SMYD3: variants seen among roughly 807,000 people sequenced by gnomAD.
SMYD3 encodes the protein SET and MYND domain containing 3.
A neutral mutation model predicts 57.7 loss-of-function variants in SMYD3; 36 were observed. That is an observed-to-expected ratio of 0.62 (90% confidence interval 0.48 to 0.82). The LOEUF (loss-of-function observed/expected upper bound fraction) is 0.82. Ranked by LOEUF, SMYD3 falls within the 40% of genes least tolerant of loss-of-function variation. The probability of loss-of-function intolerance (pLI) is 0.00; values close to 1 mark genes in which losing one functional copy is unlikely to be tolerated. For missense variants in SMYD3, 515 were observed against 538.8 expected, an observed-to-expected ratio of 0.96 and a Z score of 0.44; for synonymous variants, 211 against 195.0, an observed-to-expected ratio of 1.08 and a Z score of -0.68.
At chr1:246,149,865 C>G (rs1242947197) in intron 5 of SMYD3, among the ~76,000 whole-genome samples, 1 of 152,190 alleles carries the variant, frequency 6.6e-6, no homozygotes, top group Non-Finnish European at 1.5e-5. Context: ...GCAAAGATCA[C>G]CCCTCTGTCT....
At chr1:245,826,879 G>A (rs2049530893) in intron 10 of SMYD3, among the ~76,000 whole-genome samples, 1 of 152,152 alleles carries the variant, frequency 6.6e-6, no homozygotes, top group Admixed American at 6.5e-5. Context: ...CATGAGAAGA[G>A]CATGGAGCAA....
At chr1:246,240,046 T>G (rs538170143) in intron 5 of SMYD3, among the ~76,000 whole-genome samples, 2 of 152,336 alleles carry the variant, frequency 1.3e-5, no homozygotes, top group East Asian at 3.9e-4. Flanking sequence ...AGGTTGCCTG[T>G]TCACTCTGAT....
intron 5 of SMYD3, among the ~76,000 whole-genome samples, chr1:246,258,667 G>A (rs1770007): frequency 0.059 from 9,042 of 152,132 alleles, 433 homozygotes; most frequent in African/African-American, 0.12. Flanking sequence ...CTTTAGCACC[G>A]ACCTTGAACA....
chr1:246,231,173 T>G (rs78442404), intron 5 of SMYD3, among the ~76,000 whole-genome samples: 3,192 of 152,216 alleles, frequency 0.021, 45 homozygotes, highest in Non-Finnish European at 0.029. Flanking sequence ...GCAGTCTTAT[T>G]CTCTAAAACT....
intron 5 of SMYD3, among the ~76,000 whole-genome samples, chr1:246,073,943 T>C (rs2147802195): frequency 6.6e-6 from 1 of 152,292 alleles, no homozygotes; most frequent in East Asian, 1.9e-4. Flanking sequence ...AAATCAAGTG[T>C]AATAGATGGC....
At chr1:246,375,978 C>A (rs1028346294) in intron 1 of SMYD3, among the ~76,000 whole-genome samples, 2 of 146,820 alleles carry the variant, frequency 1.4e-5, no homozygotes, top group African/African-American at 4.9e-5. Flanking sequence ...GGTCCACCAG[C>A]CTCAGCCTCC....
Position 246,506,989 on chromosome 1 carries a change from G to GCCCCCCCCCCCCC in SMYD3, c.164+64_164+65insGGGGGGGGGGGGG, listed in dbSNP as rs1182642267. The GCCCCCCCCCCCCC allele has an allele frequency of 1.0e-4, 65 of 650,496 alleles. 1 individual carries two copies. Among genetic ancestry groups the GCCCCCCCCCCCCC allele is most frequent in the African/African-American group, 4.1e-4 (13 of 31,632 alleles). The allele number at this position is 650,496 out of a possible 1,614,324, so 40.3% of individuals were successfully genotyped here. A position where few individuals can be genotyped will look rare whatever the true frequency, so the allele number is the denominator to read the frequency against. ...GTCCCGCGGCTGCCGGCCGCCCGAC[G>GCCCCCCCCCCCCC]CCCCCCCCTCCCCAGCACCCCACAC... On this transcript the variant is annotated intron_variant, in intron 1 of 11. Transcript: ENST00000490107.
intron 5 of SMYD3, among the ~76,000 whole-genome samples, chr1:246,010,062 G>A (rs1363924486): frequency 7.0e-6 from 1 of 142,214 alleles, no homozygotes; most frequent in Admixed American, 7.2e-5. Flanking sequence ...CTGCACTCCA[G>A]CCTGTGCAAC....
At chr1:246,032,043 C>T (rs1265485596) in intron 5 of SMYD3, among the ~76,000 whole-genome samples, 1 of 152,076 alleles carries the variant, frequency 6.6e-6, no homozygotes, top group Non-Finnish European at 1.5e-5. Context: ...CTGTAATTTT[C>T]TCAAACTGCT....
intron 5 of SMYD3, among the ~76,000 whole-genome samples, chr1:245,972,057 G>A (rs1307007950): frequency 6.6e-6 from 1 of 152,190 alleles, no homozygotes; most frequent in Admixed American, 6.5e-5. Flanking sequence ...ACTGAACCAA[G>A]TGGGAAGGGG....
chr1:246,409,350 G>A (rs1464070897), intron 1 of SMYD3, among the ~76,000 whole-genome samples: 1 of 152,104 alleles, frequency 6.6e-6, no homozygotes, highest in Non-Finnish European at 1.5e-5. Flanking sequence ...ATTAATTTTT[G>A]TATAAGGTGT....
chr1:246,474,379 C>T (rs1380726440), intron 1 of SMYD3, among the ~76,000 whole-genome samples: 1 of 151,786 alleles, frequency 6.6e-6, no homozygotes, highest in Non-Finnish European at 1.5e-5. Context: ...ATTAGCTGGG[C>T]GTGGTGGCAC....
At chr1:246,118,246 G>A (rs6677096) in intron 5 of SMYD3, among the ~76,000 whole-genome samples, 26,049 of 151,968 alleles carry the variant, frequency 0.17, 3,337 homozygotes, top group African/African-American at 0.36. Context: ...AGTCAAAGCA[G>A]AAAACATCAT....
chr1:245,777,804 C>T (rs979116443), intron 10 of SMYD3, among the ~76,000 whole-genome samples: 1 of 152,170 alleles, frequency 6.6e-6, no homozygotes, highest in African/African-American at 2.4e-5. Flanking sequence ...ACTGCGTACT[C>T]CACACTCTGC....
intron 1 of SMYD3, among the ~76,000 whole-genome samples, chr1:246,398,124 C>T (rs952152277): frequency 7.9e-5 from 12 of 152,184 alleles, no homozygotes; most frequent in Non-Finnish European, 1.3e-4. Flanking sequence ...GGAGAAGTTA[C>T]AAATCTTGTG....
chr1:245,953,577 G>A (rs1001504357), intron 5 of SMYD3, among the ~76,000 whole-genome samples: 1 of 152,012 alleles, frequency 6.6e-6, no homozygotes, highest in African/African-American at 2.4e-5. Context: ...CTGACACCAC[G>A]TCTGGCTAAT....
chr1:246,165,359 C>T (rs995367703), intron 5 of SMYD3, among the ~76,000 whole-genome samples: 7 of 152,186 alleles, frequency 4.6e-5, no homozygotes, highest in South Asian at 2.1e-4. Flanking sequence ...TCCCCTCCCT[C>T]GCTTTCTTCC....
At chr1:245,892,682 T>C (rs915863508) in intron 8 of SMYD3, among the ~76,000 whole-genome samples, 3 of 152,306 alleles carry the variant, frequency 2.0e-5, no homozygotes, top group South Asian at 4.1e-4. Context: ...ACTAGAATCA[T>C]TGGCTATCCA....
chr1:246,233,819 G>T (rs1392449406), intron 5 of SMYD3, among the ~76,000 whole-genome samples: 1 of 133,194 alleles, frequency 7.5e-6, no homozygotes, highest in Non-Finnish European at 1.6e-5. Context: ...CCACACAGAG[G>T]AGAAGCACTC....
Sources: gnomAD v4.1 joint callset for allele counts (sites outside exome capture counted in the v4.1 genomes callset) on GRCh38, gnomAD v4.1.1 for gene constraint, MANE v1.5 for transcripts, NCBI Gene and HGNC (gene_info 2026-07-23, HGNC 2026-07-21) for gene names.